The following BICRAL variants were observed in gnomAD, a reference collection of about 807,000 sequenced individuals.
BICRAL encodes BRD4-interacting chromatin-remodeling complex-associated protein-like.
In BICRAL, 8 loss-of-function variants were observed where a neutral mutation model predicts 91.8. The ratio of observed to expected loss-of-function variants is 0.09; its 90% CI spans 0.05 to 0.16. The LOEUF (loss-of-function observed/expected upper bound fraction) is 0.16, where lower values mean the gene tolerates loss of function less well. Ranked by LOEUF, BICRAL falls within the 10% of genes least tolerant of loss-of-function variation. The pLI is 1.00. For synonymous variants in BICRAL, 445 were observed against 491.1 expected, an observed-to-expected ratio of 0.91 and a Z score of 1.24; for missense variants, 1,038 against 1,310.9, an observed-to-expected ratio of 0.79 and a Z score of 3.21.
intron 1 of BICRAL, among the ~76,000 whole-genome samples, chr6:42,757,379 G>A (rs1450679478): frequency 6.6e-6 from 1 of 151,936 alleles, no homozygotes; most frequent in Non-Finnish European, 1.5e-5. Flanking sequence ...AGCCTCCTGA[G>A]TAGCTGAGAC....
At chr6:42,783,135 T>TTCCCGCTCCCGC (rs369949134) in intron 1 of BICRAL, among the ~76,000 whole-genome samples, 8 of 150,780 alleles carry the variant, frequency 5.3e-5, no homozygotes, top group Admixed American at 1.3e-4. Flanking sequence ...CCCGGCCCCG[T>TTCCCGCTCCCGC]TCCCGCTCCC....
chr6:42,803,043 A>G (rs987734152), intron 1 of BICRAL, among the ~76,000 whole-genome samples: 2 of 152,214 alleles, frequency 1.3e-5, no homozygotes, highest in Admixed American at 6.5e-5. Flanking sequence ...TAGTGTTGGT[A>G]TACTCACTAG....
chr6:42,809,315 T>C (rs1763791366), intron 1 of BICRAL, among the ~76,000 whole-genome samples: 1 of 152,098 alleles, frequency 6.6e-6, no homozygotes, highest in South Asian at 2.1e-4. Flanking sequence ...CCCCACCTCA[T>C]TCCTACCTCA....
At chr6:42,844,171 G>T (rs1764905695) in intron 6 of BICRAL, among the ~76,000 whole-genome samples, 1 of 150,102 alleles carries the variant, frequency 6.7e-6, no homozygotes, top group African/African-American at 2.4e-5. Flanking sequence ...AGATAGAGTA[G>T]AAAACAGCCA....
At position 42,829,788 on chromosome 6, in the gene BICRAL, G is replaced by A; in HGVS notation, c.1455G>A (p.Val485=). 5.6e-6 allele frequency: 9 copies of A among 1,614,202 alleles called. No homozygotes were observed. The highest frequency in any genetic ancestry group is 7.6e-6 in the Non-Finnish European group (9 of 1,180,040). Residue 485 remains valine (V), a synonymous_variant, in exon 6 of 13, where the codon GTG becomes GTA. Transcript: ENST00000314073. ...GQTFAASGSP[V]IANHASPQLV... ...CATTTGCTGCCTCTGGAAGTCCAGTGATAGCCAATCATGCCTCTCCTCAGC... is the reference window on the plus strand; with the variant it reads ...CATTTGCTGCCTCTGGAAGTCCAGTAATAGCCAATCATGCCTCTCCTCAGC...
intron 1 of BICRAL, among the ~76,000 whole-genome samples, chr6:42,802,537 C>T (rs1158085432): frequency 2.6e-5 from 4 of 152,070 alleles, no homozygotes; most frequent in Admixed American, 1.3e-4. Flanking sequence ...CAACCTCCGC[C>T]TCCTGGGTTC....
intron 1 of BICRAL, among the ~76,000 whole-genome samples, chr6:42,747,810 T>TTTG (rs201788797): frequency 3.6e-4 from 53 of 146,574 alleles, no homozygotes; most frequent in African/African-American, 1.3e-3. Context: ...ATTTTGTTTT[T>TTTG]TTTTTTTTTT....
At position 42,855,866 on chromosome 6, in the gene BICRAL, A is replaced by G; in HGVS notation, c.2057A>G (p.His686Arg). 7 of 1,613,440 alleles carry G rather than the reference A, an allele frequency of 4.3e-6. No homozygotes were observed. Among genetic ancestry groups the G allele is most frequent in the Non-Finnish European group, 5.9e-6 (7 of 1,179,404 alleles). Residue 686 changes from histidine to arginine, a missense_variant, in exon 9 of 13, where the codon CAT becomes CGT. Around this residue, in one of 5 missense-constraint regions of BICRAL, gnomAD observed 532 missense variants for 724.9 expected, o/e 0.73. Coordinates refer to ENST00000314073, the MANE Select transcript of BICRAL (RefSeq NM_001393499.1). ...TTGTTTTGTCTTTAGGTGGAGAGTC[A>G]TTCGGGAGGACAAAAAAGGCCTGCT... ...PGHPAVQVES[H>R]SGGQKRPAAK...
intron 1 of BICRAL, among the ~76,000 whole-genome samples, chr6:42,751,539 G>A (rs1762380687): frequency 6.6e-6 from 1 of 152,106 alleles, no homozygotes; most frequent in South Asian, 2.1e-4. Context: ...TTTAGGTATG[G>A]TAAACAATAA....
chr6:42,856,984 G>A lies in BICRAL; in HGVS notation c.2109-107G>A, dbSNP rs570218739. ...ATAAAAAATATAAAACTAAAAAACTGCCGTATTATTCCTATATATCTTATT... is the reference window on the plus strand; with the variant it reads ...ATAAAAAATATAAAACTAAAAAACTACCGTATTATTCCTATATATCTTATT... On this transcript the variant is annotated intron_variant, in intron 9 of 12. Transcript: ENST00000314073. The A allele has an allele frequency of 3.3e-4, 299 of 909,212 alleles. 2 individuals carry two copies. The South Asian group carries it at 4.1e-3, about 12-fold the overall frequency. The allele number at this position is 909,212 out of a possible 1,614,324, so 56.3% of individuals were successfully genotyped here.
At chr6:42,796,738 C>G (rs1447214536) in intron 1 of BICRAL, among the ~76,000 whole-genome samples, 1 of 151,794 alleles carries the variant, frequency 6.6e-6, no homozygotes, top group Non-Finnish European at 1.5e-5. Flanking sequence ...CTGACATATG[C>G]GATGTGGGTA....
Position 42,829,801 on chromosome 6 carries a change from G to T in BICRAL, c.1468G>T (p.Ala490Ser). Reference sequence around the variant, plus strand: ...TGGAAGTCCAGTGATAGCCAATCATGCCTCTCCTCAGCTTGTGGGTGGACA... The same window carrying T: ...TGGAAGTCCAGTGATAGCCAATCATTCCTCTCCTCAGCTTGTGGGTGGACA... ...ASGSPVIANH[A>S]SPQLVGGQMP... Residue 490 changes from alanine (A) to serine (S), a missense_variant, in exon 6 of 13, where the codon GCC (alanine) becomes TCC (serine). Coordinates refer to ENST00000314073, the MANE Select transcript of BICRAL (RefSeq NM_001393499.1). 1 of 1,614,184 alleles carries T rather than the reference G, an allele frequency of 6.2e-7. No individual in the cohort carries two copies. The highest frequency in any genetic ancestry group is 8.5e-7 in the Non-Finnish European group (1 of 1,180,046).
chr6:42,854,114 G>C (rs1765274712), intron 8 of BICRAL, among the ~76,000 whole-genome samples: 1 of 152,086 alleles, frequency 6.6e-6, no homozygotes, highest in South Asian at 2.1e-4. Flanking sequence ...AGGGATTTTT[G>C]TTTTTCTGTA....
At chr6:42,750,012 G>A (rs1236650121) in intron 1 of BICRAL, among the ~76,000 whole-genome samples, 1 of 151,634 alleles carries the variant, frequency 6.6e-6, no homozygotes, top group Non-Finnish European at 1.5e-5. Context: ...CCACCACCAC[G>A]CCCGGCTAAT....
At chr6:42,800,075 G>GTTTT (rs1449590142) in intron 1 of BICRAL, among the ~76,000 whole-genome samples, 1 of 151,364 alleles carries the variant, frequency 6.6e-6, no homozygotes, top group Non-Finnish European at 1.5e-5. Context: ...GTTTTGTTTT[G>GTTTT]TTTTTTTAAA....
chr6:42,850,484 CA>C (rs1393809427), intron 6 of BICRAL, among the ~76,000 whole-genome samples: 2 of 150,894 alleles, frequency 1.3e-5, no homozygotes, highest in Non-Finnish European at 2.9e-5. Context: ...CACGCCACTG[CA>C]GGCCAGCCTG....
intron 1 of BICRAL, among the ~76,000 whole-genome samples, chr6:42,794,832 G>A (rs1268280793): frequency 2.0e-5 from 3 of 150,904 alleles, no homozygotes; most frequent in Admixed American, 6.6e-5. Context: ...GTGGTGGCGG[G>A]CACCTGTAAT....
rs115470429 is a variant in BICRAL at position 42,843,686 on chromosome 6, G to A, written c.1840-8406G>A. Among the ~76,000 whole-genome samples the A allele has an allele frequency of 5.4e-3, 821 of 152,160 alleles. 3 individuals are homozygous for A. Among genetic ancestry groups the A allele is most frequent in the African/African-American group, 0.019 (771 of 41,516 alleles). The stretch of plus-strand genomic sequence containing the variant: ...AAGTTACTGAGTTTAGGGTATGTTC[G>A]TCAAGTTTGAGGTACCTGTAGGACA... On this transcript the variant is annotated intron_variant, in intron 6 of 12. Coordinates refer to ENST00000314073, the MANE Select transcript of BICRAL (RefSeq NM_001393499.1).
intron 6 of BICRAL, among the ~76,000 whole-genome samples, chr6:42,834,676 T>A (rs1764591209): frequency 6.6e-6 from 1 of 152,148 alleles, no homozygotes; most frequent in Non-Finnish European, 1.5e-5. Context: ...AATTATACAA[T>A]AATTTATTTT....
Sources: gnomAD v4.1 joint callset for allele counts (sites outside exome capture counted in the v4.1 genomes callset) on GRCh38, gnomAD v4.1.1 for gene constraint, gnomAD v4.1.1 regional missense constraint, MANE v1.5 for transcripts, NCBI Gene and HGNC (gene_info 2026-07-23, HGNC 2026-07-21) for gene names.